The following ZNF750 variants were observed in gnomAD, a reference collection of about 807,000 sequenced individuals.
ZNF750 encodes protein ZNF750.
In ZNF750, 10 loss-of-function variants were observed where a neutral mutation model predicts 31.6. The observed-to-expected ratio is 0.32, with a 90% CI of 0.19 to 0.54. ZNF750 has a LOEUF of 0.54. ZNF750 is among the 20% of genes least tolerant of loss of function. ZNF750 has a pLI of 0.95. For synonymous variants in ZNF750, 400 were observed against 404.9 expected (o/e 0.99, Z 0.15); for missense variants, 914 against 934.9 (o/e 0.98, Z 0.29).
rs138513828 is a variant in ZNF750 at position 82,832,299 on chromosome 17, C to T, written c.156G>A (p.Ser52=). ...GATCCTGCTCTGATACTAAAGTAAT[C>T]GAGTTTTTACAAAGACCATACTTCA... ...NHMKYGLCKN[S]ITLVSEQDRV... The change falls in exon 2 of 3, where the codon TCG becomes TCA. Residue 52 remains serine, a synonymous_variant. Transcript: ENST00000269394. The surrounding 1 kb of genome is among the most constrained non-coding windows in gnomAD (Gnocchi z 4.9). 110 of 1,614,158 alleles carry T rather than the reference C, an allele frequency of 6.8e-5. 1 individual carries two copies. The Middle Eastern group carries it at 8.2e-4, about 12-fold the overall frequency.
rs1290051730 is a variant in ZNF750 at position 82,830,151 on chromosome 17, C to T, written c.2163G>A (p.Arg721=). 2 of 1,613,666 alleles carry T rather than the reference C, an allele frequency of 1.2e-6. No individual in the cohort carries two copies. Among genetic ancestry groups the T allele is most frequent in the Non-Finnish European group, 1.7e-6 (2 of 1,180,036 alleles). ...ACGTGTGAACCCGGCGTTAGGACACCCGGGCCCTCCTTCGTAGTGTGAACA... is the reference window on the plus strand; with the variant it reads ...ACGTGTGAACCCGGCGTTAGGACACTCGGGCCCTCCTTCGTAGTGTGAACA... ...ARVFTLRRRA[R]VS is the part of the protein sequence containing the mutation. The change falls in exon 3 of 3, where the codon CGG becomes CGA. Residue 721 remains arginine, a synonymous_variant. Coordinates refer to ENST00000269394, the MANE Select transcript of ZNF750 (RefSeq NM_024702.3).
In ZNF750 at chr17:82,831,837, G is replaced by A. The variant is rs143249485; in HGVS notation, c.618C>T (p.Pro206=). ...GAAGGAAAGGTGAGCCGGCTTTCCA[G>A]GGGTAGCCAGGAGTGTGGAAGGCCG... ...TKSAFHTPGY[P]WKAGSPFLPP... is the part of the protein sequence containing the mutation. The change falls in exon 2 of 3, where the codon CCC becomes CCT. Residue 206 remains proline, a synonymous_variant. Transcript: ENST00000269394. This position sits in a 1 kb window ranked among gnomAD's most constrained non-coding sequence, Gnocchi z 4.6. The A allele has an allele frequency of 4.6e-4, 738 of 1,614,248 alleles. 14 individuals are homozygous for A. In the East Asian group the frequency reaches 0.016, roughly 36 times the overall value.
chr17:82,830,707 G>A lies in ZNF750; in HGVS notation c.1607C>T (p.Pro536Leu), dbSNP rs751989131. ...ATHEPTYQGS[P>L]QAETASFSEL... ...TGAGAAGCTGGCGGTTTCCGCCTGG[G>A]GGCTGCCTTGGTACGTGGGTTCGTG... The change falls in exon 3 of 3, where the codon CCC (proline) becomes CTC (leucine). Residue 536 changes from proline to leucine, a missense_variant. Physicochemically the swap from Pro to Leu is moderately conservative, Grantham distance 98. This residue lies in a region of ZNF750 where 880 missense variants were observed against 868.9 expected (regional missense o/e 1.01). Transcript: ENST00000269394. 9 of 1,614,116 alleles carry A rather than the reference G, an allele frequency of 5.6e-6. No individual in the cohort carries two copies. Among genetic ancestry groups the A allele is most frequent in the South Asian group, 3.3e-5 (3 of 91,076 alleles).
chr17:82,836,687 C>CA (rs559997152), intron 1 of ZNF750, among the ~76,000 whole-genome samples: 4,161 of 116,698 alleles, frequency 0.036, 150 homozygotes, highest in African/African-American at 0.11. Flanking sequence ...TACTTTTAGG[C>CA]AAAAAAAAAA....
In ZNF750 at chr17:82,832,505, C is replaced by G; in HGVS notation, c.-51G>C. On this transcript the variant is annotated 5_prime_UTR_variant, in exon 2 of 3. Coordinates refer to ENST00000269394, the MANE Select transcript of ZNF750 (RefSeq NM_024702.3). This position sits in a 1 kb window ranked among gnomAD's most constrained non-coding sequence, Gnocchi z 4.9. ...GCTGTCCAGGTGGCGTGATCACTGT[C>G]GACGCCGCGTGCACTTCGTGGTTTC... is the stretch of plus-strand genomic sequence containing the variant. 1 of 1,526,526 alleles carries G rather than the reference C, an allele frequency of 6.6e-7. No homozygotes were observed. Among genetic ancestry groups the G allele is most frequent in the Non-Finnish European group, 9.0e-7 (1 of 1,112,440 alleles). 94.6% of individuals were successfully genotyped at this position (1,526,526 alleles called of 1,614,324 possible). A position where few individuals can be genotyped will look rare whatever the true frequency, so the allele number is the denominator to read the frequency against.
chr17:82,834,539 A>C (rs1435794219), intron 1 of ZNF750, among the ~76,000 whole-genome samples: 4 of 152,240 alleles, frequency 2.6e-5, no homozygotes, highest in Non-Finnish European at 5.9e-5. Context: ...TGCAGCCATA[A>C]AAAGGAACGC....
At position 82,830,606 on chromosome 17, in the gene ZNF750, C is replaced by T. The variant is rs536499326; in HGVS notation, c.1708G>A (p.Gly570Ser). The T allele has an allele frequency of 2.6e-5, 42 of 1,613,992 alleles. No individual in the cohort carries two copies. The African/African-American group carries it at 3.3e-4, about 13-fold the overall frequency. ...GCAGGTTCTGCAGCTCGTGGTCGAC[C>T]GGGGAAGGCAGGCCTCGGAGCCTGG... ...NTQAPRPAFPGRPRAAEPAAA... is the reference protein window; with the variant it reads ...NTQAPRPAFPSRPRAAEPAAA... The change falls in exon 3 of 3, where the codon GGT (glycine) becomes AGT (serine). Residue 570 changes from glycine to serine, a missense_variant. This residue lies in a region of ZNF750 where 880 missense variants were observed against 868.9 expected (regional missense o/e 1.01). Transcript: ENST00000269394.
chr17:82,829,854 T>A lies in ZNF750; in HGVS notation c.*288A>T. On this transcript the variant is annotated 3_prime_UTR_variant, in exon 3 of 3. Coordinates refer to ENST00000269394, the MANE Select transcript of ZNF750 (RefSeq NM_024702.3). Reference sequence around the variant, plus strand: ...ATGGTGAGATATTTATAAGGAAACATTTATAAAAGATCTTCTGTAAGACAG... The same window carrying A: ...ATGGTGAGATATTTATAAGGAAACAATTATAAAAGATCTTCTGTAAGACAG... 2.2e-6 allele frequency: 1 copy of A among 446,706 alleles called. No homozygotes were observed. The highest frequency in any genetic ancestry group is 4.0e-6 in the Non-Finnish European group (1 of 250,618). The allele number at this position is 446,706 out of a possible 1,614,324, so 27.7% of individuals were successfully genotyped here. A position where few individuals can be genotyped will look rare whatever the true frequency, so the allele number is the denominator to read the frequency against.
chr17:82,830,556 C>G lies in ZNF750; in HGVS notation c.1758G>C (p.Gly586=), dbSNP rs540857447. The G allele has an allele frequency of 6.2e-7, 1 of 1,614,052 alleles. No homozygotes were observed. The highest frequency in any genetic ancestry group is 2.2e-5 in the East Asian group (1 of 44,874). The change falls in exon 3 of 3, where the codon GGG becomes GGC. Residue 586 remains glycine, a synonymous_variant. Transcript: ENST00000269394. ...EPAAAVPQKT[G]TEGSEDGPSH... Reference sequence around the variant, plus strand: ...TGGGCCCATCCTCAGAACCTTCTGTCCCAGTCTTCTGTGGAACAGCAGCAG... The same window carrying G: ...TGGGCCCATCCTCAGAACCTTCTGTGCCAGTCTTCTGTGGAACAGCAGCAG...
Position 82,832,320 on chromosome 17 carries a change from C to T in ZNF750, c.135G>A (p.Lys45=). Residue 45 remains lysine, a synonymous_variant, in exon 2 of 3, where the codon AAG becomes AAA. Transcript: ENST00000269394. This position sits in a 1 kb window ranked among gnomAD's most constrained non-coding sequence, Gnocchi z 4.9. ...NEKSHLFNHM[K]YGLCKNSITL... The stretch of plus-strand genomic sequence containing the variant: ...TAATCGAGTTTTTACAAAGACCATA[C>T]TTCATGTGATTAAAAAGATGTGACT... 2 of 1,614,222 alleles carry T rather than the reference C, an allele frequency of 1.2e-6. No individual in the cohort carries two copies. Among genetic ancestry groups the T allele is most frequent in the African/African-American group, 1.3e-5 (1 of 75,052 alleles).
intron 2 of ZNF750, 61 bp downstream of exon 2, chr17:82,830,958 T>C: frequency 6.2e-7 from 1 of 1,613,416 alleles, no homozygotes; most frequent in African/African-American, 1.3e-5. Flanking sequence ...AGTATAAGCC[T>C]GGCTCATGGA....
rs8074277 is a variant in ZNF750 at position 82,831,752 on chromosome 17, T to C, written c.703A>G (p.Met235Val). 275,780 of 1,613,822 alleles carry C rather than the reference T, an allele frequency of 0.17. 25,228 individuals are homozygous for C. Among genetic ancestry groups the C allele is most frequent in the Admixed American group, 0.27 (16,275 of 59,978 alleles). ...TKGLGAISPYMHPTIPEYPPH... is the reference protein window; with the variant it reads ...TKGLGAISPYVHPTIPEYPPH... ...GGGTACTCTGGGATTGTGGGGTGCA[T>C]GTAAGGGGAAATGGCCCCAAGCCCC... Residue 235 changes from methionine (M) to valine (V), a missense_variant, in exon 2 of 3, where the codon ATG becomes GTG. Transcript: ENST00000269394. This position sits in a 1 kb window ranked among gnomAD's most constrained non-coding sequence, Gnocchi z 4.6.
At chr17:82,838,682 C>T (rs190687792) in intron 1 of ZNF750, 165 of 985,312 alleles carry the variant, frequency 1.7e-4, no homozygotes, top group East Asian at 2.3e-4. Context: ...CCCAGCCTTT[C>T]GGTTCTTTAA....
Position 82,830,146 on chromosome 17 carries a change from G to A in ZNF750, c.2168C>T (p.Ser723Phe). Residue 723 changes from serine (S) to phenylalanine (F), a missense_variant, in exon 3 of 3, where the codon TCC becomes TTC. Ser to Phe is a radical substitution (Grantham distance 155). Coordinates refer to ENST00000269394, the MANE Select transcript of ZNF750 (RefSeq NM_024702.3). ...VFTLRRRARV[S>F] Reference sequence around the variant, plus strand: ...AACACACGTGTGAACCCGGCGTTAGGACACCCGGGCCCTCCTTCGTAGTGT... The same window carrying A: ...AACACACGTGTGAACCCGGCGTTAGAACACCCGGGCCCTCCTTCGTAGTGT... 6.2e-7 allele frequency: 1 copy of A among 1,613,680 alleles called. No homozygotes were observed. Among genetic ancestry groups the A allele is most frequent in the African/African-American group, 1.3e-5 (1 of 75,042 alleles).
At position 82,831,494 on chromosome 17, in the gene ZNF750, A is replaced by G. The variant is rs1206564899; in HGVS notation, c.961T>C (p.Phe321Leu). The G allele has an allele frequency of 2.5e-6, 4 of 1,614,146 alleles. No individual in the cohort carries two copies. In the South Asian group the frequency reaches 4.4e-5, roughly 18 times the overall value. Residue 321 changes from phenylalanine (F) to leucine (L), a missense_variant, in exon 2 of 3, where the codon TTT becomes CTT. Around this residue, in one of 2 missense-constraint regions of ZNF750, gnomAD observed 880 missense variants for 868.9 expected, o/e 1.01. Coordinates refer to ENST00000269394, the MANE Select transcript of ZNF750 (RefSeq NM_024702.3). The surrounding 1 kb of genome is among the most constrained non-coding windows in gnomAD (Gnocchi z 4.6). ...YPSNLPIPYG[F>L]YRPESAFSSY... Reference sequence around the variant, plus strand: ...GAAAATGCAGACTCTGGCCTGTAAAATCCGTAAGGAATCGGCAGGTTAGAG... The same window carrying G: ...GAAAATGCAGACTCTGGCCTGTAAAGTCCGTAAGGAATCGGCAGGTTAGAG...
chr17:82,829,817 C>A lies in ZNF750; in HGVS notation c.*325G>T. The A allele has an allele frequency of 6.4e-6, 2 of 314,946 alleles. No homozygotes were observed. Among genetic ancestry groups the A allele is most frequent in the East Asian group, 6.2e-5 (1 of 16,094 alleles). 19.5% of individuals were successfully genotyped at this position (314,946 alleles called of 1,614,324 possible). On this transcript the variant is annotated 3_prime_UTR_variant, in exon 3 of 3. Transcript: ENST00000269394. The stretch of plus-strand genomic sequence containing the variant: ...AGAGCTAATAGAAAAACAGTTAAAA[C>A]AATTTGTTGTAATGGTGAGATATTT...
Position 82,830,139 on chromosome 17 carries a change from G to A in ZNF750, c.*3C>T, listed in dbSNP as rs1358075460. ...CTCTGTGAACACACGTGTGAACCCG[G>A]CGTTAGGACACCCGGGCCCTCCTTC... is the stretch of plus-strand genomic sequence containing the variant. On this transcript the variant is annotated 3_prime_UTR_variant, in exon 3 of 3. Coordinates refer to ENST00000269394, the MANE Select transcript of ZNF750 (RefSeq NM_024702.3). 2 of 1,613,358 alleles carry A rather than the reference G, an allele frequency of 1.2e-6. No homozygotes were observed. The highest frequency in any genetic ancestry group is 1.3e-5 in the African/African-American group (1 of 74,916).
chr17:82,837,296 A>C (rs569660948), intron 1 of ZNF750, among the ~76,000 whole-genome samples: 2 of 152,336 alleles, frequency 1.3e-5, no homozygotes, highest in East Asian at 3.9e-4. Context: ...ACAGCGTTTG[A>C]AATAGTCTCT....
At position 82,830,812 on chromosome 17, in the gene ZNF750, G is replaced by A; in HGVS notation, c.1502C>T (p.Ala501Val). ...GGAGCTGTCGTCCGGACTGGAAGGC[G>A]CGGCCTCCGAGACGAGAGAGGCGCT... ...TGSASLVSEA[A>V]PSSPDDSSGM... Residue 501 changes from alanine to valine, a missense_variant, in exon 3 of 3, where the codon GCG becomes GTG. This residue lies in a region of ZNF750 where 880 missense variants were observed against 868.9 expected (regional missense o/e 1.01). Transcript: ENST00000269394. 1 of 1,613,434 alleles carries A rather than the reference G, an allele frequency of 6.2e-7. No individual in the cohort carries two copies. Among genetic ancestry groups the A allele is most frequent in the Non-Finnish European group, 8.5e-7 (1 of 1,180,034 alleles).
Sources: allele counts gnomAD v4.1 joint callset (sites outside exome capture counted in the v4.1 genomes callset), GRCh38; gene constraint gnomAD v4.1.1; regional missense constraint gnomAD v4.1.1; non-coding constraint Gnocchi (gnomAD v3.1); transcripts MANE v1.5; gene names NCBI Gene and HGNC (gene_info 2026-07-23, HGNC 2026-07-21).